Variants in POLDIP2 observed in about 807,000 individuals in gnomAD.
POLDIP2 encodes the protein DNA polymerase delta interacting protein 2.
Under a neutral mutation model 52.9 loss-of-function variants are expected in POLDIP2, and 32 were observed. That is an observed-to-expected ratio of 0.61 (90% CI 0.46 to 0.81). The LOEUF is 0.81. Among genes scored for constraint, POLDIP2 ranks in the 40% least tolerant of loss-of-function variants. POLDIP2 has a pLI of 0.00. For synonymous variants in POLDIP2, 183 were observed against 183.0 expected, an observed-to-expected ratio of 1.00 and a Z score of 0.00; for missense variants, 371 against 477.3, an observed-to-expected ratio of 0.78 and a Z score of 2.07.
chr17:28,356,311 C>T (rs1466170673), intron 1 of POLDIP2, among the ~76,000 whole-genome samples: 1 of 152,036 alleles, frequency 6.6e-6, no homozygotes, highest in Non-Finnish European at 1.5e-5. Context: ...GCTCCCTTTA[C>T]ATTTCAGTTG....
chr17:28,349,247 C>A, intron 9 of POLDIP2, 85 bp from the exon 10 acceptor site: 1 of 918,924 alleles, frequency 1.1e-6, no homozygotes, highest in South Asian at 1.5e-5. Flanking sequence ...ACTGCCAGTT[C>A]ATCAAGACTG....
At chr17:28,356,948 A>G (rs970727811) in intron 1 of POLDIP2, among the ~76,000 whole-genome samples, 1 of 152,166 alleles carries the variant, frequency 6.6e-6, no homozygotes, top group Non-Finnish European at 1.5e-5. Context: ...ACCAAATCCA[A>G]AGGCTGAGGG....
In POLDIP2 at chr17:28,349,041, T is replaced by A. The variant is rs142295087; in HGVS notation, c.992+42A>T. On this transcript the variant is annotated intron_variant, in intron 10 of 10. Transcript: ENST00000540200. ...ACTTTTCTGACCTACAGCTTCTGTTTGTGGAGCTGGGTGGCCCCTACTGCT... is the reference window on the plus strand; with the variant it reads ...ACTTTTCTGACCTACAGCTTCTGTTAGTGGAGCTGGGTGGCCCCTACTGCT... 2.0e-4 allele frequency: 286 copies of A among 1,413,590 alleles called. 2 individuals carry two copies. The African/African-American group carries it at 3.3e-3, about 16-fold the overall frequency. 87.6% of individuals were successfully genotyped at this position (1,413,590 alleles called of 1,614,324 possible).
Position 28,347,869 on chromosome 17 carries a change from A to G in POLDIP2, c.*248T>C, listed in dbSNP as rs1257099068. ...CTCCAGGCCTGTGGCAGCTGAACAC[A>G]GTTCCTTGGTGGAGAGGTTTACTGG... On this transcript the variant is annotated 3_prime_UTR_variant, in exon 11 of 11. Coordinates refer to ENST00000540200, the MANE Select transcript of POLDIP2 (RefSeq NM_015584.5). 4.2e-6 allele frequency: 2 copies of G among 479,658 alleles called. No individual in the cohort carries two copies. Among genetic ancestry groups the G allele is most frequent in the Admixed American group, 7.2e-5 (2 of 27,592 alleles). The allele number at this position is 479,658 out of a possible 1,614,324, so 29.7% of individuals were successfully genotyped here. A position where few individuals can be genotyped will look rare whatever the true frequency, so the allele number is the denominator to read the frequency against.
At position 28,350,797 on chromosome 17, in the gene POLDIP2, G is replaced by A. The variant is rs781936305; in HGVS notation, c.760-5C>T. The A allele has an allele frequency of 6.3e-7, 1 of 1,584,102 alleles. No individual in the cohort carries two copies. Among genetic ancestry groups the A allele is most frequent in the Non-Finnish European group, 8.6e-7 (1 of 1,164,766 alleles). On this transcript the variant is annotated splice_region_variant and splice_polypyrimidine_tract_variant and intron_variant, in intron 7 of 10. Coordinates refer to ENST00000540200, the MANE Select transcript of POLDIP2 (RefSeq NM_015584.5). ...CACGTGGGAATTCTGGGCTTCCTAG[G>A]GAGAAAACAAAAAGAATTTAAGTCC...
At position 28,354,513 on chromosome 17, in the gene POLDIP2, C is replaced by A; in HGVS notation, c.316G>T (p.Asp106Tyr). 1 of 1,559,104 alleles carries A rather than the reference C, an allele frequency of 6.4e-7. No homozygotes were observed. The change falls in exon 3 of 11, where the codon GAT becomes TAT. Residue 106 changes from aspartate to tyrosine, a missense_variant. Asp to Tyr is a radical substitution (Grantham distance 160). Coordinates refer to ENST00000540200, the MANE Select transcript of POLDIP2 (RefSeq NM_015584.5). ...FPWQARLYDR[D>Y]VASAAPEKAE... ...TTTTCTGGAGCTGCAGAAGCCACAT[C>A]CCGGTCATACAGTCTGGCCTGCCAG...
chr17:28,348,099 C>T lies in POLDIP2; in HGVS notation c.*18G>A, dbSNP rs1907655234. The T allele has an allele frequency of 6.7e-7, 1 of 1,497,114 alleles. No individual in the cohort carries two copies. The highest frequency in any genetic ancestry group is 1.4e-5 in the African/African-American group (1 of 72,566). 92.7% of individuals were successfully genotyped at this position (1,497,114 alleles called of 1,614,324 possible). On this transcript the variant is annotated 3_prime_UTR_variant, in exon 11 of 11. Coordinates refer to ENST00000540200, the MANE Select transcript of POLDIP2 (RefSeq NM_015584.5). ...TCTTCCCGGTGACCAAGCCTGGGCA[C>T]TTGGGGCCTCAGCTGGCCTACCAGT...
chr17:28,348,317 C>T, intron 10 of POLDIP2, 86 bp from the exon 11 acceptor site: 2 of 795,528 alleles, frequency 2.5e-6, no homozygotes, highest in Non-Finnish European at 4.3e-6. Flanking sequence ...CAGCTGCCAG[C>T]CACAGAGGAC....
chr17:28,357,040 C>T (rs1908070725), intron 1 of POLDIP2, among the ~76,000 whole-genome samples: 1 of 152,248 alleles, frequency 6.6e-6, no homozygotes, highest in African/African-American at 2.4e-5. Flanking sequence ...AAGTAGGATT[C>T]ACTTGGGGAG....
rs77872855 is a variant in POLDIP2, at chr17:28,350,681, T to C, written c.786+85A>G. The C allele has an allele frequency of 1.2e-3, 1,808 of 1,556,214 alleles. 26 individuals are homozygous for C. The African/African-American group carries it at 0.022, about 19-fold the overall frequency. On this transcript the variant is annotated intron_variant, in intron 8 of 10. Coordinates refer to ENST00000540200, the MANE Select transcript of POLDIP2 (RefSeq NM_015584.5). The stretch of plus-strand genomic sequence containing the variant: ...CACATGCACTGCACAGGTTCCGCTC[T>C]CGTCAGAAGGTGGGCTCCCCCACCT...
In POLDIP2 at chr17:28,351,720, G is replaced by T; in HGVS notation, c.703C>A (p.Arg235=). The T allele has an allele frequency of 6.2e-7, 1 of 1,613,700 alleles. No homozygotes were observed. ...HPWLELSDVH[R]ETTENIRVTV... ...ACACGTATGTTCTCAGTTGTTTCCC[G>T]ATGAACATCGGAGAGCTCCAGCCAG... is the stretch of plus-strand genomic sequence containing the variant. The change falls in exon 7 of 11, where the codon CGG becomes AGG. Residue 235 remains arginine (R), a synonymous_variant. Transcript: ENST00000540200.
At chr17:28,353,628 T>G in intron 4 of POLDIP2, 67 bp downstream of exon 4, 1 of 1,117,240 alleles carries the variant, frequency 9.0e-7, no homozygotes, top group Admixed American at 1.7e-5. Context: ...TCCCTCCCTT[T>G]GTCCCCATTG....
chr17:28,355,624 TAAAA>T (rs1907990621), intron 2 of POLDIP2, among the ~76,000 whole-genome samples, 167 bp downstream of exon 2: 1 of 151,306 alleles, frequency 6.6e-6, no homozygotes, highest in African/African-American at 2.4e-5. Flanking sequence ...AATAAATAAA[TAAAA>T]TAAATAAATA....
chr17:28,356,145 A>G (rs1173727686), intron 1 of POLDIP2, among the ~76,000 whole-genome samples: 1 of 151,514 alleles, frequency 6.6e-6, no homozygotes, highest in Non-Finnish European at 1.5e-5. Flanking sequence ...CTCTGCTCAA[A>G]TGTACCCCTG....
At chr17:28,350,646 A>G in intron 8 of POLDIP2, 83 bp from the exon 9 acceptor site, 10 of 1,571,270 alleles carry the variant, frequency 6.4e-6, no homozygotes, top group Non-Finnish European at 8.7e-6. Context: ...GCAAAAGTCA[A>G]CAAAGCTGAC....
intron 2 of POLDIP2, among the ~76,000 whole-genome samples, chr17:28,355,299 A>C (rs1907970871): frequency 6.6e-6 from 1 of 152,234 alleles, no homozygotes; most frequent in African/African-American, 2.4e-5. Context: ...GGAGAACAGA[A>C]ACCCTATCTA....
At chr17:28,349,011 C>A in intron 10 of POLDIP2, 72 bp downstream of exon 10, 2 of 1,043,294 alleles carry the variant, frequency 1.9e-6, no homozygotes, top group Non-Finnish European at 2.9e-6. Context: ...AAGCTCTAAG[C>A]TCTCACTTTT....
At position 28,348,055 on chromosome 17, in the gene POLDIP2, A is replaced by G; in HGVS notation, c.*62T>C. 1 of 928,476 alleles carries G rather than the reference A, an allele frequency of 1.1e-6. No individual in the cohort carries two copies. The allele number at this position is 928,476 out of a possible 1,614,324, so 57.5% of individuals were successfully genotyped here. The stretch of plus-strand genomic sequence containing the variant: ...ATGGGGAGAGAAGAGTTCTGCAGCA[A>G]TTGTGGGATGAGAGTTGTTCTTCCC... On this transcript the variant is annotated 3_prime_UTR_variant, in exon 11 of 11. Coordinates refer to ENST00000540200, the MANE Select transcript of POLDIP2 (RefSeq NM_015584.5).
At chr17:28,350,677 G>A (rs954691762) in intron 8 of POLDIP2, 89 bp downstream of exon 8, 96 of 1,548,344 alleles carry the variant, frequency 6.2e-5, no homozygotes, top group Non-Finnish European at 7.9e-5. Context: ...CACAGGTTCC[G>A]CTCTCGTCAG....
Sources: gnomAD v4.1 joint callset for allele counts (sites outside exome capture counted in the v4.1 genomes callset) on GRCh38, gnomAD v4.1.1 for gene constraint, MANE v1.5 for transcripts, NCBI Gene and HGNC (gene_info 2026-07-23, HGNC 2026-07-21) for gene names.